Variants in CYP3A4 observed in about 807,000 individuals in gnomAD.
CYP3A4 encodes the protein cytochrome P450 family 3 subfamily A member 4.
In CYP3A4, 41 loss-of-function variants were observed where a neutral mutation model predicts 54.9. The ratio of observed to expected loss-of-function variants is 0.75; its 90% CI spans 0.58 to 0.97. The LOEUF (loss-of-function observed/expected upper bound fraction) is 0.97. CYP3A4 is among the 50% of genes least tolerant of loss of function. The probability of loss-of-function intolerance (pLI) is 0.00; values close to 1 mark genes in which losing one functional copy is unlikely to be tolerated. For missense variants in CYP3A4, 510 were observed against 597.3 expected, an observed-to-expected ratio of 0.85 and a Z score of 1.52; for synonymous variants, 179 against 205.2, an observed-to-expected ratio of 0.87 and a Z score of 1.09.
At chr7:99,772,222 T>C (rs1815653672) in intron 4 of CYP3A4, among the ~76,000 whole-genome samples, 1 of 152,156 alleles carries the variant, frequency 6.6e-6, no homozygotes, top group South Asian at 2.1e-4. Flanking sequence ...ATTGCACAAA[T>C]CTACTAATGA....
chr7:99,775,160 A>G (rs1367138678), intron 3 of CYP3A4, among the ~76,000 whole-genome samples: 6 of 152,146 alleles, frequency 3.9e-5, no homozygotes, highest in African/African-American at 1.4e-4. Flanking sequence ...CTTCAAGGAG[A>G]ACTACAAACC....
rs775619056 is a variant in CYP3A4, at chr7:99,780,040, T to C, written c.117A>G (p.Pro39=). 36 of 1,613,676 alleles carry C rather than the reference T, an allele frequency of 2.2e-5. No individual in the cohort carries two copies. Among genetic ancestry groups the C allele is most frequent in the Middle Eastern group, 1.7e-4 (1 of 6,058 alleles). The change falls in exon 2 of 13, where the codon CCA becomes CCG. Residue 39 remains proline, a synonymous_variant. Coordinates refer to ENST00000651514, the MANE Select transcript of CYP3A4 (RefSeq NM_017460.6). The part of the protein sequence containing the change: ...SHGLFKKLGI[P]GPTPLPFLGN... ...CCAAAAAAGGCAGAGGTGTGGGCCC[T>C]GGAATTCCAAGCTTCTTAAAAAGTC...
intron 3 of CYP3A4, among the ~76,000 whole-genome samples, chr7:99,776,962 C>A (rs184469758): frequency 2.0e-4 from 30 of 152,246 alleles, no homozygotes; most frequent in Non-Finnish European, 3.4e-4. Context: ...TGCTTATATA[C>A]CCTTCTATTA....
intron 2 of CYP3A4, among the ~76,000 whole-genome samples, chr7:99,778,746 T>C (rs772430094): frequency 2.6e-5 from 4 of 152,198 alleles, no homozygotes; most frequent in Non-Finnish European, 5.9e-5. Context: ...GAGTTTTCAC[T>C]GAAACTTAAA....
At chr7:99,767,914 AC>A (rs541215276) in intron 7 of CYP3A4, among the ~76,000 whole-genome samples, 70 of 152,340 alleles carry the variant, frequency 4.6e-4, no homozygotes, top group Admixed American at 2.4e-3. Flanking sequence ...CAAAAAAATC[AC>A]AAATCAGTAA....
At chr7:99,770,587 C>T (rs1474385630) in intron 4 of CYP3A4, among the ~76,000 whole-genome samples, 5 of 151,782 alleles carry the variant, frequency 3.3e-5, no homozygotes, top group East Asian at 1.9e-4. Context: ...AGTGTAGAGA[C>T]GGAGTGGAGA....
chr7:99,777,476 TTGTGTGTGTG>T (rs10554527), intron 3 of CYP3A4, among the ~76,000 whole-genome samples: 106,695 of 146,620 alleles, frequency 0.73, 43,810 homozygotes, highest in Non-Finnish European at 0.9. Context: ...ATGTCACTAG[TTGTGTGTGTG>T]TGTGTGTGTG....
chr7:99,770,752 G>A (rs1380668023), intron 4 of CYP3A4, among the ~76,000 whole-genome samples: 1 of 152,106 alleles, frequency 6.6e-6, no homozygotes, highest in Non-Finnish European at 1.5e-5. Context: ...AACATATTTT[G>A]AAGAAATAAT....
At chr7:99,762,671 A>G (rs1278239320) in intron 10 of CYP3A4, among the ~76,000 whole-genome samples, 2 of 152,176 alleles carry the variant, frequency 1.3e-5, no homozygotes, top group Non-Finnish European at 2.9e-5. Flanking sequence ...TAAAATCTCC[A>G]TAAATAATTT....
At chr7:99,782,497 C>T (rs1191774332) in intron 1 of CYP3A4, among the ~76,000 whole-genome samples, 1 of 152,180 alleles carries the variant, frequency 6.6e-6, no homozygotes, top group Non-Finnish European at 1.5e-5. Context: ...GTCTGCCCAG[C>T]TGCCTGAGTC....
intron 12 of CYP3A4, among the ~76,000 whole-genome samples, chr7:99,759,899 A>G (rs190219713): frequency 2.9e-4 from 44 of 152,114 alleles, no homozygotes; most frequent in African/African-American, 9.4e-4. Flanking sequence ...CAGTGGCCCA[A>G]TCTCGGCTCA....
chr7:99,774,683 A>G (rs2151563395), intron 3 of CYP3A4, among the ~76,000 whole-genome samples: 1 of 152,284 alleles, frequency 6.6e-6, no homozygotes, highest in East Asian at 1.9e-4. Flanking sequence ...GTATCAATGG[A>G]ACGTATCTCA....
Position 99,769,030 on chromosome 7 carries a change from A to G in CYP3A4, c.522-528T>C, listed in dbSNP as rs546768602. Among the ~76,000 whole-genome samples the G allele has an allele frequency of 2.2e-3, 334 of 152,260 alleles. 2 individuals are homozygous for G. Among genetic ancestry groups the G allele is most frequent in the Non-Finnish European group, 3.5e-3 (241 of 68,016 alleles). ...TGCTCAAGCTTTGGAAAATTCCACT[A>G]TCCCCAGCTGTGGTGAGCTGAGGTT... On this transcript the variant is annotated intron_variant, in intron 6 of 12. Coordinates refer to ENST00000651514, the MANE Select transcript of CYP3A4 (RefSeq NM_017460.6).
At position 99,784,126 on chromosome 7, in the gene CYP3A4, G is replaced by C. The variant is rs1477357584; in HGVS notation, c.-45C>G. ...CTCTCTCCTCTGAGTCTTCCTTTCA[G>C]CTCTGTGTTGCTCTTTGCTGGGCTA... is the stretch of plus-strand genomic sequence containing the variant. On this transcript the variant is annotated 5_prime_UTR_variant, in exon 1 of 13. Coordinates refer to ENST00000651514, the MANE Select transcript of CYP3A4 (RefSeq NM_017460.6). 1.3e-6 allele frequency: 2 copies of C among 1,552,050 alleles called. No individual in the cohort carries two copies. The highest frequency in any genetic ancestry group is 1.8e-6 in the Non-Finnish European group (2 of 1,124,130).
chr7:99,762,805 T>C (rs1278648687), intron 10 of CYP3A4, among the ~76,000 whole-genome samples: 1 of 152,144 alleles, frequency 6.6e-6, no homozygotes, highest in Non-Finnish European at 1.5e-5. Flanking sequence ...CACAGCCCTG[T>C]CCTCACTTGC....
At chr7:99,772,423 A>G (rs1305164091) in intron 4 of CYP3A4, among the ~76,000 whole-genome samples, 167 bp downstream of exon 4, 1 of 152,126 alleles carries the variant, frequency 6.6e-6, no homozygotes, top group Non-Finnish European at 1.5e-5. Context: ...AATATACTGT[A>G]TTTATAGTTA....
At chr7:99,774,091 A>G (rs1815697988) in intron 3 of CYP3A4, among the ~76,000 whole-genome samples, 1 of 152,230 alleles carries the variant, frequency 6.6e-6, no homozygotes, top group African/African-American at 2.4e-5. Flanking sequence ...TAGAAAATCT[A>G]GAAGAAATAG....
At position 99,770,228 on chromosome 7, in the gene CYP3A4, C is replaced by T. The variant is rs1332595521; in HGVS notation, c.326G>A (p.Gly109Asp). The T allele has an allele frequency of 4.3e-6, 7 of 1,611,752 alleles. No individual in the cohort carries two copies. The highest frequency in any genetic ancestry group is 5.9e-6 in the Non-Finnish European group (7 of 1,178,020). Residue 109 changes from glycine to aspartate, a missense_variant, in exon 5 of 13, where the codon GGT becomes GAT. Around this residue, in one of 2 missense-constraint regions of CYP3A4, gnomAD observed 272 missense variants for 274.9 expected, o/e 0.99. Coordinates refer to ENST00000651514, the MANE Select transcript of CYP3A4 (RefSeq NM_017460.6). ...YSVFTNRRPF[G>D]PVGFMKSAIS... Reference sequence around the variant, plus strand: ...GGCACTTTTCATAAATCCCACTGGACCAAAAGGCTAGAGTTCAAAGCAGAA... The same window carrying T: ...GGCACTTTTCATAAATCCCACTGGATCAAAAGGCTAGAGTTCAAAGCAGAA...
chr7:99,779,160 T>C (rs1272898215), intron 2 of CYP3A4, among the ~76,000 whole-genome samples: 2 of 152,144 alleles, frequency 1.3e-5, no homozygotes, highest in African/African-American at 2.4e-5. Flanking sequence ...TTCAGCAAAA[T>C]TAAATATTTA....
Sources: gnomAD v4.1 joint callset for allele counts (sites outside exome capture counted in the v4.1 genomes callset) on GRCh38, gnomAD v4.1.1 for gene constraint, gnomAD v4.1.1 regional missense constraint, MANE v1.5 for transcripts, NCBI Gene and HGNC (gene_info 2026-07-23, HGNC 2026-07-21) for gene names.